The following PGPEP1 variants were observed in gnomAD, a reference collection of about 807,000 sequenced individuals.
The protein encoded by PGPEP1 is pyroglutamyl-peptidase 1.
In PGPEP1, 15 loss-of-function variants were observed where a neutral mutation model predicts 24.1. The ratio of observed to expected loss-of-function variants is 0.62; its 90% CI spans 0.42 to 0.96. The LOEUF is 0.96. PGPEP1 is among the 40% of genes least tolerant of loss of function. The pLI is 0.00. For missense variants in PGPEP1, 242 were observed against 273.4 expected, an observed-to-expected ratio of 0.89 and a Z score of 0.81; for synonymous variants, 122 against 116.4, an observed-to-expected ratio of 1.05 and a Z score of -0.31.
At chr19:18,349,651 A>G (rs1039854734) in intron 2 of PGPEP1, among the ~76,000 whole-genome samples, 1 of 152,192 alleles carries the variant, frequency 6.6e-6, no homozygotes, top group African/African-American at 2.4e-5. Flanking sequence ...AGTCAAAATC[A>G]TGCGATGAGT....
chr19:18,340,734 G>T lies in PGPEP1; in HGVS notation c.34+19G>T, dbSNP rs778127849. 9.7e-5 allele frequency: 144 copies of T among 1,477,818 alleles called. No homozygotes were observed. The highest frequency in any genetic ancestry group is 1.3e-4 in the Non-Finnish European group (139 of 1,110,646). 91.5% of individuals were successfully genotyped at this position (1,477,818 alleles called of 1,614,324 possible). A position where few individuals can be genotyped will look rare whatever the true frequency, so the allele number is the denominator to read the frequency against. On this transcript the variant is annotated intron_variant, in intron 1 of 4. Coordinates refer to ENST00000269919, the MANE Select transcript of PGPEP1 (RefSeq NM_017712.4). Reference sequence around the variant, plus strand: ...GTGACGGGTACGCTGGCTGATGGGGGCTGTAGCGGCAGCGGCCGGGGGCAG... The same window carrying T: ...GTGACGGGTACGCTGGCTGATGGGGTCTGTAGCGGCAGCGGCCGGGGGCAG...
At chr19:18,340,789 C>A in intron 1 of PGPEP1, 74 bp downstream of exon 1, 1 of 1,129,360 alleles carries the variant, frequency 8.9e-7, no homozygotes, top group Non-Finnish European at 1.2e-6. Context: ...ACTGCGGGGC[C>A]GAGAGGGGCA....
intron 1 of PGPEP1, among the ~76,000 whole-genome samples, chr19:18,342,594 C>T (rs1210072446): frequency 6.6e-6 from 1 of 152,140 alleles, no homozygotes; most frequent in Non-Finnish European, 1.5e-5. Context: ...GCAGAAGATA[C>T]CTCTGGCCCC....
intron 4 of PGPEP1, among the ~76,000 whole-genome samples, chr19:18,358,692 T>G (rs1971260944): frequency 6.6e-6 from 1 of 152,138 alleles, no homozygotes; most frequent in Non-Finnish European, 1.5e-5. Context: ...CTCGGCTCAC[T>G]GCAACCTCCG....
intron 4 of PGPEP1, among the ~76,000 whole-genome samples, chr19:18,358,435 C>G (rs1456827677): frequency 6.6e-6 from 1 of 151,416 alleles, no homozygotes; most frequent in Non-Finnish European, 1.5e-5. Context: ...TAATTTTATA[C>G]TTTTATTAGA....
rs35966838 is a variant in PGPEP1, at chr19:18,344,590, C to CT, written c.87+1691dup. ...AGACCTCAAAGTTTTGGCTGTTTCC[C>CT]TTTTTTTTTTTTCTTTCCTGCCCAC... is the stretch of plus-strand genomic sequence containing the variant. On this transcript the variant is annotated intron_variant, in intron 2 of 4. Transcript: ENST00000269919. Among the ~76,000 whole-genome samples, 517 of 141,138 alleles carry CT rather than the reference C, an allele frequency of 3.7e-3. 2 individuals carry two copies. The highest frequency in any genetic ancestry group is 4.8e-3 in the Non-Finnish European group (318 of 65,772). 92.6% of individuals were successfully genotyped at this position (141,138 alleles called of 152,430 possible).
At chr19:18,347,635 CTTT>C (rs1286507690) in intron 2 of PGPEP1, among the ~76,000 whole-genome samples, 7 of 135,916 alleles carry the variant, frequency 5.2e-5, no homozygotes, top group Admixed American at 7.4e-5. Flanking sequence ...TCTGTCTCTC[CTTT>C]TTTTTTTTTT....
In PGPEP1 at chr19:18,363,782, T is replaced by G. The variant is rs1234174234; in HGVS notation, c.*199T>G. 3 of 480,890 alleles carry G rather than the reference T, an allele frequency of 6.2e-6. No homozygotes were observed. Among genetic ancestry groups the G allele is most frequent in the Non-Finnish European group, 1.1e-5 (3 of 268,682 alleles). 29.8% of individuals were successfully genotyped at this position (480,890 alleles called of 1,614,324 possible). A position where few individuals can be genotyped will look rare whatever the true frequency, so the allele number is the denominator to read the frequency against. ...TTCGAGGGAAGTGGTGAAAATTTTT[T>G]TTTCTCCCATTTTCCTCCCTGCATC... is the stretch of plus-strand genomic sequence containing the variant. On this transcript the variant is annotated 3_prime_UTR_variant, in exon 5 of 5. Transcript: ENST00000269919.
chr19:18,343,707 G>A (rs892372644), intron 2 of PGPEP1, among the ~76,000 whole-genome samples: 24 of 112,490 alleles, frequency 2.1e-4, no homozygotes, highest in Non-Finnish European at 1.7e-4. Flanking sequence ...TTTTTGAGAC[G>A]AAATCTCACT....
At chr19:18,357,785 T>C (rs945914460) in intron 4 of PGPEP1, 170 bp downstream of exon 4, 4 of 609,556 alleles carry the variant, frequency 6.6e-6, no homozygotes, top group African/African-American at 1.8e-5. Flanking sequence ...GTTCTGCTCC[T>C]GGGACTCATG....
chr19:18,357,732 A>C (rs750220832), intron 4 of PGPEP1, 117 bp downstream of exon 4: 85 of 714,702 alleles, frequency 1.2e-4, no homozygotes, highest in Non-Finnish European at 3.4e-5. Context: ...CTCAGTGTAT[A>C]CTAGGCACAG....
intron 2 of PGPEP1, among the ~76,000 whole-genome samples, chr19:18,353,454 C>T (rs917948127): frequency 6.6e-6 from 1 of 152,184 alleles, no homozygotes; most frequent in African/African-American, 2.4e-5. Context: ...AAGCAATCCT[C>T]CTGCCTTGGC....
At chr19:18,361,734 T>C in intron 4 of PGPEP1, 1 of 985,390 alleles carries the variant, frequency 1.0e-6, no homozygotes, top group Middle Eastern at 5.2e-4. Context: ...AAGCTCCTAC[T>C]GACTGACACG....
rs1278581165 is a variant in PGPEP1 at position 18,368,157 on chromosome 19, G to A, written c.*4574G>A. On this transcript the variant is annotated 3_prime_UTR_variant, in exon 5 of 5. Coordinates refer to ENST00000269919, the MANE Select transcript of PGPEP1 (RefSeq NM_017712.4). ...CAAAATTAAGAAAAAAAAAAGGGGG[G>A]CCAGGCGCAGTGGCTTATGCCTGTT... The A allele has an allele frequency of 6.6e-6, 1 of 152,082 alleles. No homozygotes were observed. The highest frequency in any genetic ancestry group is 2.4e-5 in the African/African-American group (1 of 41,360). 9.4% of individuals were successfully genotyped at this position (152,082 alleles called of 1,614,324 possible).
rs972334243 is a variant in PGPEP1 at position 18,351,117 on chromosome 19, CA to C, written c.88-4773del. On this transcript the variant is annotated intron_variant, in intron 2 of 4. Transcript: ENST00000269919. ...TGAAACCCCGTCTCTACTAAAAATACAAAAATAAGCGGGGCATGGTGCCTGT... is the reference window on the plus strand; with the variant it reads ...TGAAACCCCGTCTCTACTAAAAATACAAAATAAGCGGGGCATGGTGCCTGT... Among the ~76,000 whole-genome samples, 107 of 152,090 alleles carry C rather than the reference CA, an allele frequency of 7.0e-4. 1 individual carries two copies. Among genetic ancestry groups the C allele is most frequent in the African/African-American group, 2.5e-3 (104 of 41,494 alleles).
At chr19:18,343,198 C>T (rs1407647343) in intron 2 of PGPEP1, among the ~76,000 whole-genome samples, 1 of 152,020 alleles carries the variant, frequency 6.6e-6, no homozygotes, top group Non-Finnish European at 1.5e-5. Flanking sequence ...CGGGGTTTCA[C>T]CATGTTGGCC....
At chr19:18,340,813 C>T in intron 1 of PGPEP1, 98 bp downstream of exon 1, 1 of 923,272 alleles carries the variant, frequency 1.1e-6, no homozygotes, top group Non-Finnish European at 1.5e-6. Flanking sequence ...GCTGGAAGTC[C>T]TCTCAGATTT....
rs775309565 is a variant in PGPEP1, at chr19:18,346,633, C to CTTTTT, written c.87+3742_87+3746dup. On this transcript the variant is annotated intron_variant, in intron 2 of 4. Coordinates refer to ENST00000269919, the MANE Select transcript of PGPEP1 (RefSeq NM_017712.4). The stretch of plus-strand genomic sequence containing the variant: ...TCTATCTGTGTGTGTCTGTTTCTCT[C>CTTTTT]TTTTTTTTTTTTTTTTTTTTTTTTG... 1.5e-3 allele frequency among the ~76,000 whole-genome samples: 117 copies of CTTTTT among 79,530 alleles called. 1 individual carries two copies. The highest frequency in any genetic ancestry group is 2.3e-3 in the South Asian group (4 of 1,720). The allele number at this position is 79,530 out of a possible 152,430, so 52.2% of individuals were successfully genotyped here. A position where few individuals can be genotyped will look rare whatever the true frequency, so the allele number is the denominator to read the frequency against.
chr19:18,344,191 T>C (rs1301022646), intron 2 of PGPEP1, among the ~76,000 whole-genome samples: 1 of 151,952 alleles, frequency 6.6e-6, no homozygotes, highest in Non-Finnish European at 1.5e-5. Context: ...AGCCTCGCTG[T>C]CATCTCCTCG....
Sources: allele counts gnomAD v4.1 joint callset (sites outside exome capture counted in the v4.1 genomes callset), GRCh38; gene constraint gnomAD v4.1.1; transcripts MANE v1.5; gene names NCBI Gene and HGNC (gene_info 2026-07-23, HGNC 2026-07-21).